Variants in RYR3 observed in about 807,000 individuals in gnomAD.
The protein encoded by RYR3 is brain ryanodine receptor-calcium release channel.
Under a neutral mutation model 584.3 loss-of-function variants are expected in RYR3, and 207 were observed. That is an observed-to-expected ratio of 0.35 (90% CI 0.32 to 0.40). RYR3 has a LOEUF of 0.40. Ranked by LOEUF, RYR3 falls within the 10% of genes least tolerant of loss-of-function variation. RYR3 has a pLI of 1.00. For missense variants in RYR3, 5,616 were observed against 6,089.2 expected (o/e 0.92, Z 2.59); for synonymous variants, 2,416 against 2,248.5 (o/e 1.07, Z -2.11).
At chr15:33,359,918 G>T (rs1974529830) in intron 1 of RYR3, among the ~76,000 whole-genome samples, 2 of 151,502 alleles carry the variant, frequency 1.3e-5, no homozygotes. Flanking sequence ...ACCGGGCCCG[G>T]CCTCCTGACC....
chr15:33,326,253 G>A (rs1203009388), intron 1 of RYR3, among the ~76,000 whole-genome samples: 1 of 152,168 alleles, frequency 6.6e-6, no homozygotes, highest in East Asian at 1.9e-4. Flanking sequence ...TAACTATTGT[G>A]TTAGGGAACT....
At chr15:33,650,728 C>T (rs1244827910) in intron 31 of RYR3, among the ~76,000 whole-genome samples, 8 of 152,164 alleles carry the variant, frequency 5.3e-5, no homozygotes, top group African/African-American at 7.2e-5. Context: ...CTTCCCTATA[C>T]GTGAGTTTTG....
intron 1 of RYR3, among the ~76,000 whole-genome samples, chr15:33,359,711 T>C (rs1272453473): frequency 3.3e-5 from 5 of 152,082 alleles, no homozygotes; most frequent in Admixed American, 1.3e-4. Flanking sequence ...CTCTGCCTCC[T>C]GGGTTCACGC....
At chr15:33,664,587 G>GTATATATATATA (rs879709155) in intron 36 of RYR3, among the ~76,000 whole-genome samples, 17 of 42,636 alleles carry the variant, frequency 4.0e-4, no homozygotes, top group African/African-American at 1.3e-3. Context: ...GTGTGTGTGT[G>GTATATATATATA]TGTATATATA....
intron 19 of RYR3, among the ~76,000 whole-genome samples, chr15:33,619,740 A>G (rs1179994230): frequency 1.3e-5 from 2 of 152,084 alleles, no homozygotes; most frequent in South Asian, 2.1e-4. Flanking sequence ...GCTTCTCCAC[A>G]TTGGTCTGCC....
chr15:33,320,904 T>C (rs935015002), intron 1 of RYR3, among the ~76,000 whole-genome samples: 2 of 152,188 alleles, frequency 1.3e-5, no homozygotes, highest in African/African-American at 2.4e-5. Context: ...AAAGGGACAA[T>C]CCCCTGGGAT....
At chr15:33,804,273 T>A (rs547495749) in intron 69 of RYR3, among the ~76,000 whole-genome samples, 8 of 152,196 alleles carry the variant, frequency 5.3e-5, no homozygotes, top group African/African-American at 1.9e-4. Context: ...ACTTAACGAA[T>A]GGATGAGAGG....
chr15:33,358,729 A>C (rs2140988710), intron 1 of RYR3, among the ~76,000 whole-genome samples: 1 of 152,054 alleles, frequency 6.6e-6, no homozygotes, highest in Admixed American at 6.6e-5. Flanking sequence ...CTTTTGCAGT[A>C]CCTAGCGCCT....
intron 1 of RYR3, among the ~76,000 whole-genome samples, chr15:33,439,341 A>C (rs1193412414): frequency 2.0e-5 from 3 of 152,162 alleles, no homozygotes; most frequent in Non-Finnish European, 4.4e-5. Flanking sequence ...GATTTGTTTT[A>C]ATTTTTAAAG....
At chr15:33,598,142 A>T (rs1378888634) in intron 16 of RYR3, among the ~76,000 whole-genome samples, 1 of 151,162 alleles carries the variant, frequency 6.6e-6, no homozygotes, top group Non-Finnish European at 1.5e-5. Context: ...CACCTTCCTT[A>T]AAAACCCAAG....
intron 1 of RYR3, among the ~76,000 whole-genome samples, chr15:33,399,476 T>G (rs1208513883): frequency 6.6e-6 from 1 of 151,882 alleles, no homozygotes; most frequent in Non-Finnish European, 1.5e-5. Context: ...CTGTCTCTAT[T>G]AAGATACAAA....
At chr15:33,749,899 G>A in intron 55 of RYR3, 80 bp from the exon 56 acceptor site, 4 of 1,243,452 alleles carry the variant, frequency 3.2e-6, no homozygotes, top group Non-Finnish European at 4.6e-6. Context: ...TCCCGAGGCT[G>A]CCTGAAATGA....
In RYR3 at chr15:33,865,447, A is replaced by G. The variant is rs555347813; in HGVS notation, c.*221A>G. ...AACCTGTCAAAATGTCGAAGAAGGAAGGCGAAGAATCAAGTAATCTCTAGG... is the reference window on the plus strand; with the variant it reads ...AACCTGTCAAAATGTCGAAGAAGGAGGGCGAAGAATCAAGTAATCTCTAGG... On this transcript the variant is annotated 3_prime_UTR_variant, in exon 104 of 104. Transcript: ENST00000634891. 4.0e-6 allele frequency: 2 copies of G among 494,038 alleles called. No individual in the cohort carries two copies. Among genetic ancestry groups the G allele is most frequent in the East Asian group, 6.3e-5 (2 of 31,606 alleles). The allele number at this position is 494,038 out of a possible 1,614,324, so 30.6% of individuals were successfully genotyped here. A position where few individuals can be genotyped will look rare whatever the true frequency, so the allele number is the denominator to read the frequency against.
chr15:33,853,061 TACTGG>T lies in RYR3; in HGVS notation c.13646_13650del (p.Tyr4549Ter), dbSNP rs758535300. 6.2e-7 allele frequency: 1 copy of T among 1,605,924 alleles called. No homozygotes were observed. The highest frequency in any genetic ancestry group is 8.5e-7 in the Non-Finnish European group (1 of 1,176,932). ...GTTTTTCAGATCTTTTCCTAATAACTACTGGGACAAGTTTGTAAAGAGAAAGGTAT... is the reference window on the plus strand; with the variant it reads ...GTTTTTCAGATCTTTTCCTAATAACTGACAAGTTTGTAAAGAGAAAGGTAT... On this transcript the variant is annotated frameshift_variant, in exon 95 of 104. Transcript: ENST00000634891. LOFTEE classifies it high-confidence loss of function.
chr15:33,628,607 G>A, intron 21 of RYR3, 32 bp downstream of exon 21: 1 of 1,390,866 alleles, frequency 7.2e-7, no homozygotes, highest in African/African-American at 1.4e-5. Flanking sequence ...TAGGGTGGAG[G>A]GTGGGATTGC....
Position 33,586,098 on chromosome 15 carries a change from G to C in RYR3, c.1770G>C (p.Lys590Asn). The C allele has an allele frequency of 1.9e-6, 3 of 1,609,008 alleles. No homozygotes were observed. Among genetic ancestry groups the C allele is most frequent in the Non-Finnish European group, 2.6e-6 (3 of 1,175,362 alleles). The change falls in exon 16 of 104, where the codon AAG becomes AAC. Residue 590 changes from lysine (K) to asparagine (N), a missense_variant. Lys to Asn is a moderately conservative substitution (Grantham distance 94, BLOSUM62 0). This residue lies in a region of RYR3 where 1,284 missense variants were observed against 1,344.6 expected (regional missense o/e 0.95). Transcript: ENST00000634891. ...AGTCGATCATCTCCCTGTTGGATAA[G>C]CACGGGCGGAATCACAAGGTAGGTG... Reference protein sequence around the residue: ...HIKSIISLLDKHGRNHKVLDI... With the variant: ...HIKSIISLLDNHGRNHKVLDI...
chr15:33,765,744 T>C (rs925301646), intron 60 of RYR3, among the ~76,000 whole-genome samples: 4 of 152,092 alleles, frequency 2.6e-5, no homozygotes, highest in Non-Finnish European at 4.4e-5. Flanking sequence ...TATCACCATC[T>C]TGGGGAGGAT....
In RYR3 at chr15:33,696,466, G is replaced by A. The variant is rs2065872646; in HGVS notation, c.6109G>A (p.Glu2037Lys). 1 of 1,614,010 alleles carries A rather than the reference G, an allele frequency of 6.2e-7. No homozygotes were observed. The highest frequency in any genetic ancestry group is 8.5e-7 in the Non-Finnish European group (1 of 1,179,892). ...LLSVRMGKEE[E>K]LLMINGLGDI... Reference sequence around the variant, plus strand: ...CAGTGTCAGGATGGGCAAGGAAGAGGAGTTGCTCATGATCAATGGGCTGGG... The same window carrying A: ...CAGTGTCAGGATGGGCAAGGAAGAGAAGTTGCTCATGATCAATGGGCTGGG... Residue 2037 changes from glutamate to lysine, a missense_variant, in exon 39 of 104, where the codon GAG becomes AAG. This residue lies in a region of RYR3 where 1,280 missense variants were observed against 1,426.2 expected (regional missense o/e 0.90). Coordinates refer to ENST00000634891, the MANE Select transcript of RYR3 (RefSeq NM_001036.6).
chr15:33,477,231 T>C (rs896435145), intron 2 of RYR3, among the ~76,000 whole-genome samples: 3 of 151,900 alleles, frequency 2.0e-5, no homozygotes, highest in African/African-American at 4.8e-5. Context: ...TCAGAGAAAA[T>C]TGAGATGAAT....
Sources: gnomAD v4.1 joint callset for allele counts (sites outside exome capture counted in the v4.1 genomes callset) on GRCh38, gnomAD v4.1.1 for gene constraint, gnomAD v4.1.1 regional missense constraint, MANE v1.5 for transcripts, NCBI Gene and HGNC (gene_info 2026-07-23, HGNC 2026-07-21) for gene names.